PIK3AP1: variants seen among roughly 807,000 people sequenced by gnomAD.
PIK3AP1 encodes phosphoinositide-3-kinase adaptor protein 1, also known as phosphoinositide 3-kinase adapter protein 1.
PIK3AP1 carries 21 observed loss-of-function variants against 88.1 expected under a neutral mutation model. That is an observed-to-expected ratio of 0.24 (90% CI 0.17 to 0.34). The LOEUF (loss-of-function observed/expected upper bound fraction) is 0.34, where lower values mean the gene tolerates loss of function less well. PIK3AP1 is among the 10% of genes least tolerant of loss of function. The pLI is 1.00. For missense variants in PIK3AP1, 828 were observed against 1,035.7 expected, an observed-to-expected ratio of 0.80 and a Z score of 2.75; for synonymous variants, 398 against 400.0, an observed-to-expected ratio of 1.00 and a Z score of 0.06.
chr10:96,656,577 A>C (rs1236555750), intron 3 of PIK3AP1, among the ~76,000 whole-genome samples: 2 of 152,168 alleles, frequency 1.3e-5, no homozygotes, highest in Non-Finnish European at 1.5e-5. Context: ...CAGAAGTCTT[A>C]GACTGATGAC....
In PIK3AP1 at chr10:96,678,516, C is replaced by T. The variant is rs138717344; in HGVS notation, c.431-21582G>A. ...AACTCCTGGGCTCCATGGATCCTCC[C>T]ACCTTGATCTCCCAATGTGCTGGGA... On this transcript the variant is annotated intron_variant, in intron 2 of 16. Coordinates refer to ENST00000339364, the MANE Select transcript of PIK3AP1 (RefSeq NM_152309.3). 2.8e-4 allele frequency among the ~76,000 whole-genome samples: 42 copies of T among 152,274 alleles called. No individual in the cohort carries two copies. The East Asian group carries it at 8.1e-3, about 29-fold the overall frequency.
intron 8 of PIK3AP1, among the ~76,000 whole-genome samples, chr10:96,629,202 TC>T (rs146311694): frequency 1.2e-4 from 18 of 152,190 alleles, no homozygotes; most frequent in African/African-American, 4.3e-4. Flanking sequence ...CAGACAGGTG[TC>T]ATGGTATGAT....
In PIK3AP1 at chr10:96,595,441, G is replaced by T; in HGVS notation, c.*136C>A. 1 of 974,940 alleles carries T rather than the reference G, an allele frequency of 1.0e-6. No homozygotes were observed. Among genetic ancestry groups the T allele is most frequent in the Non-Finnish European group, 1.6e-6 (1 of 645,124 alleles). The allele number at this position is 974,940 out of a possible 1,614,324, so 60.4% of individuals were successfully genotyped here. A position where few individuals can be genotyped will look rare whatever the true frequency, so the allele number is the denominator to read the frequency against. On this transcript the variant is annotated 3_prime_UTR_variant, in exon 17 of 17. Coordinates refer to ENST00000339364, the MANE Select transcript of PIK3AP1 (RefSeq NM_152309.3). ...TTCGAGGCAAGCCCAAACCAGCAGG[G>T]CTGCAGCATTATCAGCAATGAGAAT...
chr10:96,707,988 A>G (rs557952417), intron 2 of PIK3AP1, among the ~76,000 whole-genome samples: 71 of 152,338 alleles, frequency 4.7e-4, no homozygotes, highest in South Asian at 1.2e-3. Flanking sequence ...AGACGTGGTC[A>G]TGTTTATTGG....
In PIK3AP1 at chr10:96,628,396, A is replaced by T; in HGVS notation, c.1471+2T>A. 6.3e-7 allele frequency: 1 copy of T among 1,595,762 alleles called. No individual in the cohort carries two copies. On this transcript the variant is annotated splice_donor_variant, in intron 9 of 16. Coordinates refer to ENST00000339364, the MANE Select transcript of PIK3AP1 (RefSeq NM_152309.3). LOFTEE classifies it high-confidence loss of function. ...GCTTCCCTGCTCATGGCTATGACTT[A>T]CCTTCTAAAAACTTGCGGATCATAG...
chr10:96,702,614 C>CCACACACA (rs3035892), intron 2 of PIK3AP1, among the ~76,000 whole-genome samples: 217 of 145,170 alleles, frequency 1.5e-3, no homozygotes, highest in African/African-American at 5.0e-3. Context: ...AGTGTTCTCA[C>CCACACACA]CACACACACA....
chr10:96,609,999 G>A lies in PIK3AP1; in HGVS notation c.2015-132C>T, dbSNP rs182888117. The A allele has an allele frequency of 6.3e-4, 707 of 1,120,708 alleles. 8 individuals are homozygous for A. In the South Asian group the frequency reaches 6.8e-3, roughly 11 times the overall value. 69.4% of individuals were successfully genotyped at this position (1,120,708 alleles called of 1,614,324 possible). A position where few individuals can be genotyped will look rare whatever the true frequency, so the allele number is the denominator to read the frequency against. ...GAAGGGGAAGGGGAAGGGAAAAGAC[G>A]ATGGGAGAGGGAGGGGCCCTGGGTT... On this transcript the variant is annotated intron_variant, in intron 13 of 16. Coordinates refer to ENST00000339364, the MANE Select transcript of PIK3AP1 (RefSeq NM_152309.3).
chr10:96,680,724 G>A (rs1201078758), intron 2 of PIK3AP1, among the ~76,000 whole-genome samples: 1 of 152,162 alleles, frequency 6.6e-6, no homozygotes, highest in Non-Finnish European at 1.5e-5. Flanking sequence ...GGGCATTTAG[G>A]TTGAGTCTAC....
At chr10:96,597,580 A>G (rs1194448977) in intron 16 of PIK3AP1, among the ~76,000 whole-genome samples, 2 of 152,082 alleles carry the variant, frequency 1.3e-5, no homozygotes, top group Non-Finnish European at 2.9e-5. Context: ...AACATATAGC[A>G]TAGACATTTA....
intron 2 of PIK3AP1, among the ~76,000 whole-genome samples, chr10:96,657,166 G>A (rs1267840892): frequency 6.6e-6 from 1 of 152,152 alleles, no homozygotes; most frequent in Non-Finnish European, 1.5e-5. Context: ...CAATCATGGA[G>A]GGGAAGGCCA....
chr10:96,711,739 ATTTT>A (rs763923650), intron 1 of PIK3AP1, among the ~76,000 whole-genome samples: 718 of 66,406 alleles, frequency 0.011, 17 homozygotes, highest in African/African-American at 0.048. Flanking sequence ...AGATTACCAA[ATTTT>A]TTTTTTTTTT....
intron 2 of PIK3AP1, among the ~76,000 whole-genome samples, chr10:96,663,307 G>A (rs1479270593): frequency 6.6e-6 from 1 of 152,032 alleles, no homozygotes; most frequent in African/African-American, 2.4e-5. Flanking sequence ...TGGATAAATT[G>A]ATGGTATGTG....
At chr10:96,705,664 C>A (rs1844351743) in intron 2 of PIK3AP1, among the ~76,000 whole-genome samples, 1 of 150,816 alleles carries the variant, frequency 6.6e-6, no homozygotes, top group South Asian at 2.1e-4. Flanking sequence ...CTCACTGCAG[C>A]CTCAACCTCC....
chr10:96,677,743 A>G, intron 2 of PIK3AP1, among the ~76,000 whole-genome samples: 1 of 152,212 alleles, frequency 6.6e-6, no homozygotes, highest in African/African-American at 2.4e-5. Context: ...AAGCGTGAGG[A>G]CAAAACATGG....
At chr10:96,674,503 T>C (rs1351510081) in intron 2 of PIK3AP1, among the ~76,000 whole-genome samples, 1 of 152,264 alleles carries the variant, frequency 6.6e-6, no homozygotes, top group Non-Finnish European at 1.5e-5. Flanking sequence ...TAGTGTTGTT[T>C]ATCTGTTGAC....
At chr10:96,619,610 C>T (rs1355075922) in intron 12 of PIK3AP1, 1 of 152,236 alleles carries the variant, frequency 6.6e-6, no homozygotes, top group Non-Finnish European at 1.5e-5. Flanking sequence ...TAAGAATGAG[C>T]TTCCTAAGGT....
intron 12 of PIK3AP1, chr10:96,618,761 A>G (rs1195228990): frequency 6.6e-6 from 1 of 152,252 alleles, no homozygotes; most frequent in African/African-American, 2.4e-5. Flanking sequence ...TCAGGCTGCC[A>G]GCTCTAGAGC....
At chr10:96,601,011 G>A (rs767946948) in intron 16 of PIK3AP1, among the ~76,000 whole-genome samples, 2 of 151,900 alleles carry the variant, frequency 1.3e-5, no homozygotes, top group Non-Finnish European at 2.9e-5. Flanking sequence ...TCAAAATCTA[G>A]TAAATTAGTC....
intron 1 of PIK3AP1, among the ~76,000 whole-genome samples, chr10:96,712,478 A>T (rs1844451433): frequency 6.6e-6 from 1 of 152,150 alleles, no homozygotes; most frequent in Admixed American, 6.5e-5. Flanking sequence ...AATAAATAAA[A>T]ATCTTTGCTG....
Sources: gnomAD v4.1 joint callset for allele counts (sites outside exome capture counted in the v4.1 genomes callset) on GRCh38, gnomAD v4.1.1 for gene constraint, MANE v1.5 for transcripts, NCBI Gene and HGNC (gene_info 2026-07-23, HGNC 2026-07-21) for gene names.